The following NEURL1 variants were observed in gnomAD, a reference collection of about 807,000 sequenced individuals.
NEURL1 encodes the protein neuralized E3 ubiquitin protein ligase 1.
Under a neutral mutation model 41.2 loss-of-function variants are expected in NEURL1, and 26 were observed. The ratio of observed to expected loss-of-function variants is 0.63; its 90% CI spans 0.46 to 0.87. The LOEUF is 0.87. Among genes scored for constraint, NEURL1 ranks in the 40% least tolerant of loss-of-function variants. The pLI is 0.00. For synonymous variants in NEURL1, 400 were observed against 402.3 expected (o/e 0.99, Z 0.07); for missense variants, 761 against 871.1 (o/e 0.87, Z 1.59).
intron 1 of NEURL1, among the ~76,000 whole-genome samples, chr10:103,555,042 TCTC>T (rs1159549969): frequency 1.3e-5 from 2 of 151,976 alleles, no homozygotes; most frequent in Non-Finnish European, 2.9e-5. Flanking sequence ...AAGCCTCCAG[TCTC>T]CTCCTCCTTA....
chr10:103,584,466 C>G, intron 3 of NEURL1, 70 bp from the exon 4 acceptor site: 1 of 1,072,638 alleles, frequency 9.3e-7, no homozygotes, highest in Non-Finnish European at 1.2e-6. Context: ...GCGTAGGGAC[C>G]GGACAGCGGG....
intron 1 of NEURL1, among the ~76,000 whole-genome samples, chr10:103,535,183 G>A (rs1262676085): frequency 1.3e-5 from 2 of 152,152 alleles, no homozygotes; most frequent in Admixed American, 1.3e-4. Context: ...AGAAAGGTGG[G>A]GCACAGCTGT....
At chr10:103,559,347 C>G (rs565657511) in intron 1 of NEURL1, among the ~76,000 whole-genome samples, 1 of 152,318 alleles carries the variant, frequency 6.6e-6, no homozygotes, top group Admixed American at 6.5e-5. Context: ...ATTCCCTTAC[C>G]TCAGCCTGGC....
At position 103,563,253 on chromosome 10, in the gene NEURL1, C is replaced by T. The variant is rs146148205; in HGVS notation, c.86-7619C>T. Among the ~76,000 whole-genome samples the T allele has an allele frequency of 6.7e-3, 1,019 of 152,308 alleles. 11 individuals carry two copies. The highest frequency in any genetic ancestry group is 0.023 in the African/African-American group (943 of 41,566). ...TGTTAAAGTTTGCAAAATTCTTTCA[C>T]ATCTATAAACTTACCGGGGCCTCAC... On this transcript the variant is annotated intron_variant, in intron 1 of 5. Coordinates refer to ENST00000369780, the MANE Select transcript of NEURL1 (RefSeq NM_004210.5).
chr10:103,510,314 C>T (rs563701829), intron 1 of NEURL1, among the ~76,000 whole-genome samples: 43 of 152,342 alleles, frequency 2.8e-4, no homozygotes, highest in African/African-American at 9.6e-4. Flanking sequence ...TCCGTAGACA[C>T]CCACGGCCAC....
chr10:103,582,789 G>T (rs575074928), intron 3 of NEURL1, among the ~76,000 whole-genome samples: 8 of 152,214 alleles, frequency 5.3e-5, no homozygotes, highest in Non-Finnish European at 1.2e-4. Context: ...CAGGGAGAAG[G>T]CCCAAAGGAA....
chr10:103,559,573 C>T lies in NEURL1; in HGVS notation c.86-11299C>T, dbSNP rs559370633. On this transcript the variant is annotated intron_variant, in intron 1 of 5. Coordinates refer to ENST00000369780, the MANE Select transcript of NEURL1 (RefSeq NM_004210.5). ...GAAGGGAAGGCGGAGCAGGTGTTCT[C>T]GGTGAGAGTTTGAATCCTGTTCTGC... Among the ~76,000 whole-genome samples, 44 of 152,034 alleles carry T rather than the reference C, an allele frequency of 2.9e-4. 1 individual carries two copies. Among genetic ancestry groups the T allele is most frequent in the Admixed American group, 2.3e-3 (35 of 15,290 alleles).
chr10:103,555,226 G>T (rs1270232670), intron 1 of NEURL1: 2 of 857,796 alleles, frequency 2.3e-6, no homozygotes, highest in Admixed American at 1.2e-4. Context: ...GCGCGTGGGG[G>T]CGCGTGGGGG....
intron 1 of NEURL1, among the ~76,000 whole-genome samples, 161 bp from the exon 2 acceptor site, chr10:103,570,711 G>A (rs2035521621): frequency 6.6e-6 from 1 of 152,034 alleles, no homozygotes; most frequent in South Asian, 2.1e-4. Context: ...GATGGTGAGA[G>A]ATGGTGGCAG....
At chr10:103,567,052 G>T (rs1358799894) in intron 1 of NEURL1, among the ~76,000 whole-genome samples, 8 of 150,308 alleles carry the variant, frequency 5.3e-5, no homozygotes, top group Non-Finnish European at 1.2e-4. Context: ...GTGCTGTCTC[G>T]GCTCACTGCA....
intron 1 of NEURL1, among the ~76,000 whole-genome samples, chr10:103,565,885 T>C (rs1267440865): frequency 6.6e-6 from 1 of 152,128 alleles, no homozygotes; most frequent in Non-Finnish European, 1.5e-5. Context: ...ACTCCTGGGC[T>C]CATGTGATCA....
Position 103,590,441 on chromosome 10 carries a change from G to GTC in NEURL1, c.*69_*70insTC. ...CAGCCCAGTCCCAGCTGAGGAACAA[G>GTC]CCAGTGGGGCCCCTTCTCTTCCTCA... On this transcript the variant is annotated 3_prime_UTR_variant, in exon 6 of 6. Coordinates refer to ENST00000369780, the MANE Select transcript of NEURL1 (RefSeq NM_004210.5). The GTC allele has an allele frequency of 1.7e-5, 23 of 1,357,548 alleles. No homozygotes were observed. Among genetic ancestry groups the GTC allele is most frequent in the Non-Finnish European group, 2.4e-5 (23 of 958,584 alleles). The allele number at this position is 1,357,548 out of a possible 1,614,324, so 84.1% of individuals were successfully genotyped here.
intron 1 of NEURL1, among the ~76,000 whole-genome samples, chr10:103,510,281 C>A (rs1313065405): frequency 6.6e-6 from 1 of 152,146 alleles, no homozygotes; most frequent in Non-Finnish European, 1.5e-5. Context: ...CTTGAGCTTC[C>A]CAAAATGACA....
At chr10:103,581,436 A>G (rs900177320) in intron 3 of NEURL1, among the ~76,000 whole-genome samples, 18 of 152,284 alleles carry the variant, frequency 1.2e-4, no homozygotes, top group African/African-American at 4.3e-4. Context: ...TAAGGGGAGT[A>G]TTAGATACAG....
At chr10:103,514,315 C>T (rs913052979) in intron 1 of NEURL1, among the ~76,000 whole-genome samples, 54 of 152,228 alleles carry the variant, frequency 3.5e-4, no homozygotes, top group African/African-American at 1.2e-3. Flanking sequence ...TGGTCTCGAT[C>T]TCTTGACCTT....
rs1458807425 is a variant in NEURL1, at chr10:103,545,526, A to G, written c.86-25346A>G. On this transcript the variant is annotated intron_variant, in intron 1 of 5. Transcript: ENST00000369780. This position sits in a 1 kb window ranked among gnomAD's most constrained non-coding sequence, Gnocchi z 4.5. ...AGGCACTGCATGGACCCCATTACTCACAGGTACCTCTGTGCCTGGGGATCT... is the reference window on the plus strand; with the variant it reads ...AGGCACTGCATGGACCCCATTACTCGCAGGTACCTCTGTGCCTGGGGATCT... 6.6e-6 allele frequency among the ~76,000 whole-genome samples: 1 copy of G among 152,090 alleles called. No individual in the cohort carries two copies. Among genetic ancestry groups the G allele is most frequent in the East Asian group, 1.9e-4 (1 of 5,196 alleles).
chr10:103,528,981 A>G (rs975645719), intron 1 of NEURL1, among the ~76,000 whole-genome samples: 2 of 152,238 alleles, frequency 1.3e-5, no homozygotes, highest in African/African-American at 2.4e-5. Context: ...TCTTCTGAGC[A>G]GCAGCCAGAA....
chr10:103,522,906 G>C (rs2034385466), intron 1 of NEURL1, among the ~76,000 whole-genome samples: 1 of 151,878 alleles, frequency 6.6e-6, no homozygotes, highest in South Asian at 2.1e-4. Context: ...AATTTTTTAG[G>C]GGCAAAATCC....
intron 1 of NEURL1, among the ~76,000 whole-genome samples, chr10:103,553,971 C>A (rs1355592173): frequency 6.6e-6 from 1 of 152,202 alleles, no homozygotes; most frequent in Non-Finnish European, 1.5e-5. Flanking sequence ...GAGTCCTGGT[C>A]CTGCCTGTGA....
Sources: allele counts gnomAD v4.1 joint callset (sites outside exome capture counted in the v4.1 genomes callset), GRCh38; gene constraint gnomAD v4.1.1; non-coding constraint Gnocchi (gnomAD v3.1); transcripts MANE v1.5; gene names NCBI Gene and HGNC (gene_info 2026-07-23, HGNC 2026-07-21).